The following STAP1 variants were observed in gnomAD, a reference collection of about 807,000 sequenced individuals.
STAP1 encodes the protein signal-transducing adaptor protein 1.
A neutral mutation model predicts 37.8 loss-of-function variants in STAP1; 30 were observed. That is an observed-to-expected ratio of 0.79 (90% CI 0.59 to 1.08). STAP1 has a LOEUF of 1.08. STAP1 is among the 50% of genes least tolerant of loss of function. The pLI, the probability that STAP1 is intolerant of heterozygous loss-of-function variation, is 0.00. For missense variants in STAP1, 357 were observed against 349.4 expected, an observed-to-expected ratio of 1.02 and a Z score of -0.17; for synonymous variants, 130 against 116.0, an observed-to-expected ratio of 1.12 and a Z score of -0.78.
chr4:67,560,453 A>T (rs982413775), intron 1 of STAP1, among the ~76,000 whole-genome samples: 1 of 152,156 alleles, frequency 6.6e-6, no homozygotes, highest in Non-Finnish European at 1.5e-5. Flanking sequence ...TATGGAAAAA[A>T]ACACAAAGAT....
chr4:67,573,000 G>C, intron 2 of STAP1, among the ~76,000 whole-genome samples: 1 of 152,126 alleles, frequency 6.6e-6, no homozygotes, highest in East Asian at 1.9e-4. Flanking sequence ...TTTTTGTTAA[G>C]AGTATACAGA....
Position 67,577,907 on chromosome 4 carries a change from C to T in STAP1, c.363+648C>T, listed in dbSNP as rs768659660. Among the ~76,000 whole-genome samples, 12 of 152,136 alleles carry T rather than the reference C, an allele frequency of 7.9e-5. No individual in the cohort carries two copies. In the South Asian group the frequency reaches 1.9e-3, roughly 24 times the overall value. ...CAAGTGATCTGCCGGCCTCGGCCTC[C>T]GAAAGTGCTGGGATTACAGGTGTGA... On this transcript the variant is annotated intron_variant, in intron 4 of 8. Coordinates refer to ENST00000265404, the MANE Select transcript of STAP1 (RefSeq NM_012108.4).
At chr4:67,574,987 C>A (rs1366197727) in intron 2 of STAP1, among the ~76,000 whole-genome samples, 1 of 151,958 alleles carries the variant, frequency 6.6e-6, no homozygotes, top group East Asian at 1.9e-4. Flanking sequence ...GGTATTTTCA[C>A]CATCCAGAAA....
chr4:67,607,093 T>G lies in STAP1; in HGVS notation c.*736T>G, dbSNP rs1209921813. The stretch of plus-strand genomic sequence containing the variant: ...AATAACAGGGATATTTTTTCATAAT[T>G]TTTTTCTTCAAAAGCAAACTTCTAA... On this transcript the variant is annotated 3_prime_UTR_variant, in exon 9 of 9. Coordinates refer to ENST00000265404, the MANE Select transcript of STAP1 (RefSeq NM_012108.4). 1 of 152,168 alleles carries G rather than the reference T, an allele frequency of 6.6e-6. No individual in the cohort carries two copies. The highest frequency in any genetic ancestry group is 1.5e-5 in the Non-Finnish European group (1 of 68,026). 9.4% of individuals were successfully genotyped at this position (152,168 alleles called of 1,614,324 possible). A position where few individuals can be genotyped will look rare whatever the true frequency, so the allele number is the denominator to read the frequency against.
chr4:67,571,485 C>T (rs1450919498), intron 2 of STAP1, among the ~76,000 whole-genome samples: 4 of 152,126 alleles, frequency 2.6e-5, no homozygotes, highest in Admixed American at 6.5e-5. Context: ...GCTTCAATTT[C>T]TCCCACTTTT....
intron 6 of STAP1, among the ~76,000 whole-genome samples, chr4:67,586,194 C>T (rs1006903176): frequency 6.6e-6 from 1 of 152,170 alleles, no homozygotes; most frequent in African/African-American, 2.4e-5. Flanking sequence ...CACGGTGGCT[C>T]ACACCTGTAA....
At chr4:67,580,103 C>T (rs945136570) in intron 4 of STAP1, among the ~76,000 whole-genome samples, 1 of 152,190 alleles carries the variant, frequency 6.6e-6, no homozygotes, top group Non-Finnish European at 1.5e-5. Context: ...AGTGATCCAC[C>T]CACCTTGGCC....
chr4:67,582,148 C>A (rs1727875170), intron 5 of STAP1, among the ~76,000 whole-genome samples: 2 of 152,034 alleles, frequency 1.3e-5, no homozygotes, highest in African/African-American at 4.8e-5. Context: ...TACCTGAAAC[C>A]ACCAGCAACT....
intron 8 of STAP1, 88 bp downstream of exon 8, chr4:67,593,444 A>T: frequency 1.1e-6 from 1 of 912,034 alleles, no homozygotes; most frequent in Non-Finnish European, 1.7e-6. Context: ...TGATAGTACC[A>T]GCCAGGCAGG....
chr4:67,575,857 C>T (rs13110187), intron 3 of STAP1, among the ~76,000 whole-genome samples: 39,599 of 151,998 alleles, frequency 0.26, 5,389 homozygotes, highest in Admixed American at 0.35. Flanking sequence ...AAGATATACT[C>T]GGAGACTTTT....
chr4:67,584,947 T>C (rs1173362079), intron 6 of STAP1, among the ~76,000 whole-genome samples: 4 of 152,232 alleles, frequency 2.6e-5, no homozygotes, highest in African/African-American at 9.6e-5. Flanking sequence ...TTCTTTCTGG[T>C]AAAATGGTCT....
chr4:67,596,924 A>C (rs1028284487), intron 8 of STAP1, among the ~76,000 whole-genome samples: 1 of 152,250 alleles, frequency 6.6e-6, no homozygotes, highest in Admixed American at 6.5e-5. Context: ...GTGGTAGAAA[A>C]GAAAACCCAT....
chr4:67,594,735 G>A (rs1728188740), intron 8 of STAP1, among the ~76,000 whole-genome samples: 1 of 152,060 alleles, frequency 6.6e-6, no homozygotes, highest in Admixed American at 6.5e-5. Context: ...CATCTTTGAT[G>A]TTCTTTTTAC....
chr4:67,566,275 A>C lies in STAP1; in HGVS notation c.121-4809A>C, dbSNP rs80046385. On this transcript the variant is annotated intron_variant, in intron 1 of 8. Transcript: ENST00000265404. ...CTTCCCTCTTTTTTACATTTTTTAT[A>C]TACTCTTTTATTAGAATTTTTCTTC... Among the ~76,000 whole-genome samples the C allele has an allele frequency of 3.0e-3, 454 of 152,010 alleles. 3 individuals are homozygous for C. Among genetic ancestry groups the C allele is most frequent in the African/African-American group, 0.01 (427 of 41,458 alleles).
At chr4:67,561,645 C>G (rs974204830) in intron 1 of STAP1, among the ~76,000 whole-genome samples, 4 of 152,190 alleles carry the variant, frequency 2.6e-5, no homozygotes, top group Non-Finnish European at 5.9e-5. Flanking sequence ...AGCCACAGCA[C>G]TAGGATTCTG....
In STAP1 at chr4:67,593,219, G is replaced by C. The variant is rs3816821; in HGVS notation, c.730-41G>C. On this transcript the variant is annotated intron_variant, in intron 7 of 8. Transcript: ENST00000265404. ...GAGCCTTCTCTTACTCTATACTTATGCAGGTGATGCTGAGTTTTCTCTCAC... is the reference window on the plus strand; with the variant it reads ...GAGCCTTCTCTTACTCTATACTTATCCAGGTGATGCTGAGTTTTCTCTCAC... 0.5 allele frequency: 699,907 copies of C among 1,404,250 alleles called. 178,277 individuals carry two copies. The highest frequency in any genetic ancestry group is 0.64 in the South Asian group (51,652 of 80,310). The allele number at this position is 1,404,250 out of a possible 1,614,324, so 87.0% of individuals were successfully genotyped here.
chr4:67,582,464 G>A (rs549899033), intron 5 of STAP1, among the ~76,000 whole-genome samples: 8 of 151,630 alleles, frequency 5.3e-5, no homozygotes, highest in Non-Finnish European at 8.8e-5. Context: ...ACCTGCCACC[G>A]TGCCCAGCTA....
At chr4:67,568,786 C>T (rs559745325) in intron 1 of STAP1, among the ~76,000 whole-genome samples, 20 of 152,300 alleles carry the variant, frequency 1.3e-4, no homozygotes, top group African/African-American at 4.3e-4. Flanking sequence ...AAGTGCTTTA[C>T]ATGTATTAAT....
chr4:67,568,354 T>A (rs568091018), intron 1 of STAP1, among the ~76,000 whole-genome samples: 2 of 152,276 alleles, frequency 1.3e-5, no homozygotes, highest in Non-Finnish European at 2.9e-5. Flanking sequence ...CATCAGCTTA[T>A]CAAACCATAA....
Sources: gnomAD v4.1 joint callset for allele counts (sites outside exome capture counted in the v4.1 genomes callset) on GRCh38, gnomAD v4.1.1 for gene constraint, MANE v1.5 for transcripts, NCBI Gene and HGNC (gene_info 2026-07-23, HGNC 2026-07-21) for gene names.